The following PARD3 variants were observed in gnomAD, a reference collection of about 807,000 sequenced individuals.
The protein encoded by PARD3 is par-3 family cell polarity regulator, also known as partitioning defective 3 homolog.
A neutral mutation model predicts 155.4 loss-of-function variants in PARD3; 75 were observed. That is an observed-to-expected ratio of 0.48 (90% CI 0.40 to 0.58). PARD3 has a LOEUF of 0.58. Ranked by LOEUF, PARD3 falls within the 20% of genes least tolerant of loss-of-function variation. The pLI is 0.00. For missense variants in PARD3, 1,642 were observed against 1,721.7 expected, an observed-to-expected ratio of 0.95 and a Z score of 0.82; for synonymous variants, 576 against 610.5, an observed-to-expected ratio of 0.94 and a Z score of 0.83.
chr10:34,249,515 T>A (rs991829362), intron 22 of PARD3, among the ~76,000 whole-genome samples: 5 of 152,184 alleles, frequency 3.3e-5, no homozygotes, highest in African/African-American at 1.2e-4. Context: ...TCTATTTTCT[T>A]TTCTCATTGC....
chr10:34,455,872 C>A (rs2077310562), intron 4 of PARD3, among the ~76,000 whole-genome samples: 1 of 152,132 alleles, frequency 6.6e-6, no homozygotes, highest in African/African-American at 2.4e-5. Context: ...ATGTGTAATG[C>A]CTAATGTTGT....
intron 1 of PARD3, among the ~76,000 whole-genome samples, chr10:34,771,372 G>C (rs1838838882): frequency 6.6e-6 from 1 of 152,100 alleles, no homozygotes; most frequent in Non-Finnish European, 1.5e-5. Flanking sequence ...CCCCACACAG[G>C]ATCACTGTGA....
chr10:34,814,625 G>A (rs1844666920), intron 1 of PARD3, among the ~76,000 whole-genome samples: 1 of 151,894 alleles, frequency 6.6e-6, no homozygotes, highest in South Asian at 2.1e-4. Context: ...ACCGAGGCCG[G>A]AGCTCCCGGG....
At chr10:34,525,550 G>A (rs760578536) in intron 2 of PARD3, among the ~76,000 whole-genome samples, 35 of 152,164 alleles carry the variant, frequency 2.3e-4, no homozygotes, top group Non-Finnish European at 5.0e-4. Context: ...AGGGAGTAAC[G>A]TGGAAACAGG....
intron 2 of PARD3, among the ~76,000 whole-genome samples, chr10:34,536,013 C>G (rs527924178): frequency 6.6e-6 from 1 of 151,974 alleles, no homozygotes; most frequent in African/African-American, 2.4e-5. Context: ...AAACTGAGAA[C>G]GAGAGTGTAT....
intron 4 of PARD3, among the ~76,000 whole-genome samples, chr10:34,463,624 G>A (rs1486863269): frequency 6.6e-6 from 1 of 151,996 alleles, no homozygotes; most frequent in Non-Finnish European, 1.5e-5. Flanking sequence ...GAGAGGAAGT[G>A]AAATGTCACA....
intron 20 of PARD3, among the ~76,000 whole-genome samples, chr10:34,286,221 C>T (rs910322795): frequency 2.0e-5 from 3 of 152,162 alleles, no homozygotes; most frequent in Admixed American, 2.0e-4. Context: ...AAACTTCACA[C>T]TCATTCATCA....
chr10:34,712,134 C>T (rs1444107882), intron 1 of PARD3, among the ~76,000 whole-genome samples: 1 of 152,180 alleles, frequency 6.6e-6, no homozygotes, highest in African/African-American at 2.4e-5. Context: ...CTTGGCCAAC[C>T]CAGTTCTCCT....
chr10:34,205,009 T>C (rs988592817), intron 22 of PARD3, among the ~76,000 whole-genome samples: 3 of 152,210 alleles, frequency 2.0e-5, no homozygotes, highest in Admixed American at 6.5e-5. Flanking sequence ...TGCATCATTA[T>C]AGCAACTATA....
At chr10:34,785,777 G>C (rs901173110) in intron 1 of PARD3, among the ~76,000 whole-genome samples, 3 of 152,128 alleles carry the variant, frequency 2.0e-5, no homozygotes, top group Admixed American at 1.3e-4. Context: ...TGTGGACAGA[G>C]AGAAATTTAT....
intron 22 of PARD3, among the ~76,000 whole-genome samples, chr10:34,258,095 T>C (rs1954752914): frequency 6.6e-6 from 1 of 152,234 alleles, no homozygotes; most frequent in Non-Finnish European, 1.5e-5. Context: ...CAGTCTGATA[T>C]AATTAGCCTG....
intron 20 of PARD3, 74 bp from the exon 21 acceptor site, chr10:34,284,319 T>C: frequency 1.2e-6 from 1 of 823,142 alleles, no homozygotes; most frequent in Non-Finnish European, 2.0e-6. Flanking sequence ...TAATGACATA[T>C]ACCCAATGAA....
At chr10:34,514,622 T>C (rs1405942015) in intron 3 of PARD3, among the ~76,000 whole-genome samples, 1 of 152,210 alleles carries the variant, frequency 6.6e-6, no homozygotes, top group Non-Finnish European at 1.5e-5. Context: ...AAAATAAGAT[T>C]TGCATATTCT....
chr10:34,534,192 G>A (rs567390923), intron 2 of PARD3, among the ~76,000 whole-genome samples: 22 of 151,848 alleles, frequency 1.4e-4, no homozygotes, highest in African/African-American at 5.1e-4. Context: ...CATGAACCTG[G>A]GAGGCAGAGC....
At chr10:34,419,057 G>A (rs893939274) in intron 5 of PARD3, among the ~76,000 whole-genome samples, 1 of 151,996 alleles carries the variant, frequency 6.6e-6, no homozygotes, top group Non-Finnish European at 1.5e-5. Context: ...ATTACAGGCA[G>A]GAACCACTGC....
intron 2 of PARD3, among the ~76,000 whole-genome samples, chr10:34,533,144 G>A (rs989432752): frequency 6.6e-6 from 1 of 152,168 alleles, no homozygotes; most frequent in Non-Finnish European, 1.5e-5. Flanking sequence ...TATATGCAAT[G>A]CAATATTGAC....
At chr10:34,492,253 G>C (rs982234566) in intron 3 of PARD3, among the ~76,000 whole-genome samples, 7 of 152,254 alleles carry the variant, frequency 4.6e-5, no homozygotes, top group Non-Finnish European at 7.4e-5. Flanking sequence ...TGACGGGCTA[G>C]CACAGGACGA....
In PARD3 at chr10:34,350,972, C is replaced by A. The variant is rs570928161; in HGVS notation, c.2068-2857G>T. Among the ~76,000 whole-genome samples, 5 of 152,200 alleles carry A rather than the reference C, an allele frequency of 3.3e-5. No individual in the cohort carries two copies. In the East Asian group the frequency reaches 7.7e-4, roughly 23 times the overall value. The stretch of plus-strand genomic sequence containing the variant: ...TCTTATTTTTAACTCTTTGAACAGG[C>A]CTTTATTTCATGTTGTGGTCACTAT... On this transcript the variant is annotated intron_variant, in intron 14 of 24. Coordinates refer to ENST00000374788, the MANE Select transcript of PARD3 (RefSeq NM_001184785.2).
At chr10:34,408,186 T>C (rs1022383623) in intron 5 of PARD3, among the ~76,000 whole-genome samples, 3 of 150,220 alleles carry the variant, frequency 2.0e-5, no homozygotes, top group African/African-American at 7.3e-5. Context: ...TTCCAAAATA[T>C]CTATCTTTGA....
Sources: gnomAD v4.1 joint callset for allele counts (sites outside exome capture counted in the v4.1 genomes callset) on GRCh38, gnomAD v4.1.1 for gene constraint, MANE v1.5 for transcripts, NCBI Gene and HGNC (gene_info 2026-07-23, HGNC 2026-07-21) for gene names.